Variants in CTNNA3 observed in about 807,000 individuals in gnomAD.
CTNNA3 encodes the protein catenin alpha 3, also known as catenin alpha-3.
In CTNNA3, 76 loss-of-function variants were observed where a neutral mutation model predicts 95.7. That is an observed-to-expected ratio of 0.79 (90% CI 0.66 to 0.96). CTNNA3 has a LOEUF of 0.96. CTNNA3 is among the 40% of genes least tolerant of loss of function. CTNNA3 has a pLI of 0.00. For missense variants in CTNNA3, 1,191 were observed against 1,089.8 expected (o/e 1.09, Z -1.31); for synonymous variants, 431 against 374.4 (o/e 1.15, Z -1.74).
Position 67,726,250 on chromosome 10 carries a change from A to G in CTNNA3, c.-2+37184T>C, listed in dbSNP as rs1841214370. The stretch of plus-strand genomic sequence containing the variant: ...ATACATTATATATTATATATTATAT[A>G]TAATATTGTATTACATATTATATAT... On this transcript the variant is annotated intron_variant, in intron 1 of 17. Transcript: ENST00000684154. Among the ~76,000 whole-genome samples, 14 of 95,724 alleles carry G rather than the reference A, an allele frequency of 1.5e-4. No individual in the cohort carries two copies. The South Asian group carries it at 4.8e-3, about 33-fold the overall frequency. The allele number at this position is 95,724 out of a possible 152,430, so 62.8% of individuals were successfully genotyped here. A position where few individuals can be genotyped will look rare whatever the true frequency, so the allele number is the denominator to read the frequency against.
intron 5 of CTNNA3, among the ~76,000 whole-genome samples, chr10:67,477,305 G>A (rs985081139): frequency 6.6e-6 from 1 of 152,004 alleles, no homozygotes; most frequent in Non-Finnish European, 1.5e-5. Context: ...CAGGAAACCT[G>A]TAGGTGGGCC....
At position 67,219,877 on chromosome 10, in the gene CTNNA3, A is replaced by C. The variant is rs1407090986; in HGVS notation, c.580-7T>G. On this transcript the variant is annotated splice_region_variant and splice_polypyrimidine_tract_variant and intron_variant, in intron 5 of 17. Coordinates refer to ENST00000433211, the MANE Select transcript of CTNNA3 (RefSeq NM_013266.4). ...GATTTGGAGATTTTAAGTCCTGAGAAGGTAAATAAAAAGAGTGGTATCTTA... is the reference window on the plus strand; with the variant it reads ...GATTTGGAGATTTTAAGTCCTGAGACGGTAAATAAAAAGAGTGGTATCTTA... 1 of 1,597,986 alleles carries C rather than the reference A, an allele frequency of 6.3e-7. No individual in the cohort carries two copies. Among genetic ancestry groups the C allele is most frequent in the Non-Finnish European group, 8.5e-7 (1 of 1,169,836 alleles).
intron 7 of CTNNA3, among the ~76,000 whole-genome samples, chr10:66,865,351 C>T (rs1189400165): frequency 6.6e-6 from 1 of 151,848 alleles, no homozygotes; most frequent in African/African-American, 2.4e-5. Flanking sequence ...TTTCTATCAT[C>T]ATGTTAAAAA....
At chr10:67,512,507 A>G (rs1456045521) in intron 5 of CTNNA3, among the ~76,000 whole-genome samples, 2 of 152,210 alleles carry the variant, frequency 1.3e-5, no homozygotes, top group Non-Finnish European at 2.9e-5. Context: ...GATATACTTT[A>G]AAGGTTTAGA....
intron 15 of CTNNA3, among the ~76,000 whole-genome samples, chr10:66,054,496 A>G (rs1057305791): frequency 6.6e-6 from 1 of 152,150 alleles, no homozygotes; most frequent in Admixed American, 6.5e-5. Flanking sequence ...GCATCTTTTC[A>G]TATACCAGTT....
chr10:67,092,431 C>T (rs1038076178), intron 7 of CTNNA3, among the ~76,000 whole-genome samples: 1 of 151,888 alleles, frequency 6.6e-6, no homozygotes, highest in African/African-American at 2.4e-5. Flanking sequence ...CTGTCATTTT[C>T]TGTTCTTCAG....
chr10:66,858,407 G>A (rs1002020351), intron 7 of CTNNA3, among the ~76,000 whole-genome samples: 1 of 151,958 alleles, frequency 6.6e-6, no homozygotes, highest in Non-Finnish European at 1.5e-5. Context: ...GGATGAGGCT[G>A]GTCTCATAGA....
chr10:67,758,599 GTAA>G (rs1841446590), intron 1 of CTNNA3, among the ~76,000 whole-genome samples: 1 of 151,908 alleles, frequency 6.6e-6, no homozygotes, highest in Admixed American at 6.6e-5. Context: ...GTATTTTAAT[GTAA>G]TCCTTAAAAT....
chr10:66,056,293 T>C (rs929721035), intron 15 of CTNNA3, among the ~76,000 whole-genome samples: 1 of 152,238 alleles, frequency 6.6e-6, no homozygotes, highest in Non-Finnish European at 1.5e-5. Context: ...AATAATTGTA[T>C]GGTTTGCATC....
At chr10:67,120,271 T>C (rs1406194683) in intron 7 of CTNNA3, among the ~76,000 whole-genome samples, 1 of 151,962 alleles carries the variant, frequency 6.6e-6, no homozygotes, top group East Asian at 1.9e-4. Context: ...AGTGAATGAC[T>C]TGTTAGTTTG....
At chr10:66,733,610 C>G (rs1036381936) in intron 9 of CTNNA3, among the ~76,000 whole-genome samples, 9 of 151,466 alleles carry the variant, frequency 5.9e-5, no homozygotes. Flanking sequence ...AAATTATACT[C>G]CATCTAAAAA....
chr10:67,171,430 C>T (rs567619216), intron 7 of CTNNA3, among the ~76,000 whole-genome samples: 77 of 152,042 alleles, frequency 5.1e-4, no homozygotes, highest in Middle Eastern at 3.4e-3. Context: ...TAAAATCAGA[C>T]GGGTGTGGTG....
At chr10:67,639,962 T>C (rs1413832375) in intron 2 of CTNNA3, among the ~76,000 whole-genome samples, 1 of 152,120 alleles carries the variant, frequency 6.6e-6, no homozygotes, top group African/African-American at 2.4e-5. Flanking sequence ...AGGGATGCCC[T>C]CTCTCACCAC....
intron 5 of CTNNA3, among the ~76,000 whole-genome samples, chr10:67,461,959 T>G (rs1309084399): frequency 6.6e-6 from 1 of 152,096 alleles, no homozygotes; most frequent in Non-Finnish European, 1.5e-5. Flanking sequence ...AGAAAAGAAA[T>G]GATTTTGTTT....
intron 5 of CTNNA3, among the ~76,000 whole-genome samples, chr10:67,333,230 G>C (rs532016687): frequency 1.3e-5 from 2 of 152,240 alleles, no homozygotes; most frequent in East Asian, 3.9e-4. Flanking sequence ...GTCATCATAA[G>C]CTTCTGATGA....
At position 65,917,123 on chromosome 10, in the gene CTNNA3, T is replaced by C. The variant is rs960016392; in HGVS notation, c.*3207A>G. ...ATAAGAGATTTTTATGGGGAACAAA[T>C]ATGTTATATTGATCTTATGTTAAAA... On this transcript the variant is annotated 3_prime_UTR_variant, in exon 18 of 18. Coordinates refer to ENST00000433211, the MANE Select transcript of CTNNA3 (RefSeq NM_013266.4). 4.6e-5 allele frequency: 7 copies of C among 152,170 alleles called. No homozygotes were observed. The highest frequency in any genetic ancestry group is 1.4e-4 in the African/African-American group (6 of 41,454). 9.4% of individuals were successfully genotyped at this position (152,170 alleles called of 1,614,324 possible).
At chr10:67,021,465 G>A (rs1853011133) in intron 7 of CTNNA3, among the ~76,000 whole-genome samples, 1 of 151,856 alleles carries the variant, frequency 6.6e-6, no homozygotes, top group Non-Finnish European at 1.5e-5. Context: ...TTCATACAAA[G>A]AGTCACTGTC....
intron 7 of CTNNA3, among the ~76,000 whole-genome samples, chr10:66,844,331 T>C (rs1261268962): frequency 6.6e-6 from 1 of 152,230 alleles, no homozygotes; most frequent in African/African-American, 2.4e-5. Context: ...GTGAAAGTAG[T>C]GTATCCTTTT....
chr10:67,197,871 T>C (rs1410543096), intron 6 of CTNNA3, among the ~76,000 whole-genome samples: 1 of 152,160 alleles, frequency 6.6e-6, no homozygotes, highest in Admixed American at 6.6e-5. Context: ...CGTATTAGCC[T>C]ATAAGTGCCA....
Sources: gnomAD v4.1 joint callset for allele counts (sites outside exome capture counted in the v4.1 genomes callset) on GRCh38, gnomAD v4.1.1 for gene constraint, MANE v1.5 for transcripts, NCBI Gene and HGNC (gene_info 2026-07-23, HGNC 2026-07-21) for gene names.